The following SAR1B variants were observed in gnomAD, a reference collection of about 807,000 sequenced individuals.
SAR1B encodes the protein small COPII coat GTPase SAR1B.
SAR1B carries 23 observed loss-of-function variants against 26.8 expected under a neutral mutation model. That is an observed-to-expected ratio of 0.86 (90% CI 0.62 to 1.22). The LOEUF (loss-of-function observed/expected upper bound fraction) is 1.22, where lower values mean the gene tolerates loss of function less well. Ranked by LOEUF, SAR1B falls within the 50% of genes most tolerant of loss-of-function variation. The pLI, the probability that SAR1B is intolerant of heterozygous loss-of-function variation, is 0.00. For missense variants in SAR1B, 196 were observed against 232.8 expected, an observed-to-expected ratio of 0.84 and a Z score of 1.03; for synonymous variants, 65 against 80.8, an observed-to-expected ratio of 0.80 and a Z score of 1.05.
At chr5:134,612,866 A>ATAAATAG (rs1458321971) in intron 3 of SAR1B, 110 bp from the exon 4 acceptor site, 1 of 984,738 alleles carries the variant, frequency 1.0e-6, no homozygotes, top group East Asian at 2.5e-5. Context: ...CTAATTAAGA[A>ATAAATAG]TAAATAGTAA....
chr5:134,617,244 T>A (rs376514782), intron 3 of SAR1B, among the ~76,000 whole-genome samples: 29 of 151,116 alleles, frequency 1.9e-4, no homozygotes, highest in East Asian at 5.8e-4. Flanking sequence ...AAAAAAAAAA[T>A]AATAATAACT....
At chr5:134,612,626 C>CA in intron 4 of SAR1B, 65 bp downstream of exon 4, 1 of 1,244,022 alleles carries the variant, frequency 8.0e-7, no homozygotes, top group South Asian at 1.5e-5. Context: ...GCCTGGGAGA[C>CA]AGAGTGAGCC....
chr5:134,606,398 A>C lies in SAR1B; in HGVS notation c.*552T>G, dbSNP rs989616417. ...TCAGAGTATACTAGCTAGATAAGACACATTTAAATGAAACATTTGCCCAAC... is the reference window on the plus strand; with the variant it reads ...TCAGAGTATACTAGCTAGATAAGACCCATTTAAATGAAACATTTGCCCAAC... On this transcript the variant is annotated 3_prime_UTR_variant, in exon 7 of 7. Transcript: ENST00000402673. 1 of 165,938 alleles carries C rather than the reference A, an allele frequency of 6.0e-6. No homozygotes were observed. The highest frequency in any genetic ancestry group is 2.4e-5 in the African/African-American group (1 of 41,506). The allele number at this position is 165,938 out of a possible 1,614,324, so 10.3% of individuals were successfully genotyped here. A position where few individuals can be genotyped will look rare whatever the true frequency, so the allele number is the denominator to read the frequency against.
rs781218368 is a variant in SAR1B, at chr5:134,630,889, CTTTTTTTTTTTTTT to C, written c.-19+1825_-19+1838del. On this transcript the variant is annotated intron_variant, in intron 1 of 6. Transcript: ENST00000402673. ...TTTCCTTTTCTATTTCTTTTTTTTT[CTTTTTTTTTTTTTT>C]TTTTTTTTTTTTTTAGCAACAATGT... Among the ~76,000 whole-genome samples the C allele has an allele frequency of 8.2e-4, 57 of 69,146 alleles. 1 individual carries two copies. The highest frequency in any genetic ancestry group is 8.8e-4 in the Non-Finnish European group (31 of 35,236). 45.4% of individuals were successfully genotyped at this position (69,146 alleles called of 152,430 possible).
intron 3 of SAR1B, among the ~76,000 whole-genome samples, chr5:134,619,051 C>G (rs1765360979): frequency 6.6e-6 from 1 of 151,244 alleles, no homozygotes; most frequent in Non-Finnish European, 1.5e-5. Context: ...TATTTTTGGC[C>G]AAGTGTGGTG....
Position 134,602,900 on chromosome 5 carries a change from A to G in SAR1B, c.*4050T>C, listed in dbSNP as rs188315195. ...CTCAAAAAAAAAAGAAAAGAAAAGA[A>G]AAAACAAACATGCAGTTTTGATAAT... On this transcript the variant is annotated 3_prime_UTR_variant, in exon 7 of 7. Coordinates refer to ENST00000402673, the MANE Select transcript of SAR1B (RefSeq NM_016103.4). 2.6e-5 allele frequency: 4 copies of G among 152,212 alleles called. No homozygotes were observed. The highest frequency in any genetic ancestry group is 1.3e-4 in the Admixed American group (2 of 15,286). 9.4% of individuals were successfully genotyped at this position (152,212 alleles called of 1,614,324 possible).
At position 134,615,674 on chromosome 5, in the gene SAR1B, G is replaced by A. The variant is rs183488991; in HGVS notation, c.179-2918C>T. ...ACTAAAAAAATACAAAAAATTAGCT[G>A]GGCGTGGTGGCAGGCGCCTGTAGTC... On this transcript the variant is annotated intron_variant, in intron 3 of 6. Coordinates refer to ENST00000402673, the MANE Select transcript of SAR1B (RefSeq NM_016103.4). Among the ~76,000 whole-genome samples, 818 of 135,252 alleles carry A rather than the reference G, an allele frequency of 6.0e-3. 4 individuals carry two copies. In the Middle Eastern group the frequency reaches 0.062, roughly 10 times the overall value. 88.7% of individuals were successfully genotyped at this position (135,252 alleles called of 152,430 possible).
intron 1 of SAR1B, among the ~76,000 whole-genome samples, chr5:134,630,588 G>T (rs1686236920): frequency 6.6e-6 from 1 of 151,096 alleles, no homozygotes; most frequent in Non-Finnish European, 1.5e-5. Flanking sequence ...TTCAAGACCA[G>T]CCTGGCCAAC....
At chr5:134,617,956 CTTT>C (rs1190932028) in intron 3 of SAR1B, among the ~76,000 whole-genome samples, 1 of 152,056 alleles carries the variant, frequency 6.6e-6, no homozygotes, top group Non-Finnish European at 1.5e-5. Flanking sequence ...ATCATTTTTT[CTTT>C]AACAGAATTG....
intron 6 of SAR1B, among the ~76,000 whole-genome samples, chr5:134,607,949 A>G (rs1272510729): frequency 2.0e-5 from 3 of 152,154 alleles, no homozygotes; most frequent in Non-Finnish European, 2.9e-5. Context: ...TACCAAAACA[A>G]TCCGTCTTAA....
At chr5:134,608,342 C>T in intron 6 of SAR1B, 30 bp downstream of exon 6, 1 of 1,525,236 alleles carries the variant, frequency 6.6e-7, no homozygotes, top group South Asian at 1.2e-5. Flanking sequence ...GAATTAAACA[C>T]ACCCATCATA....
In SAR1B at chr5:134,620,967, G is replaced by A. The variant is rs773376135; in HGVS notation, c.144C>T (p.Asp48=). The part of the protein sequence containing the change: ...KTTLLHMLKD[D]RLGQHVPTLH... ...ATGTTGGGACATGTTGTCCAAGTCT[G>A]TCATCTTTTAGCATGTGTAGCAATG... is the stretch of plus-strand genomic sequence containing the variant. Residue 48 remains aspartate, a synonymous_variant, in exon 3 of 7, where the codon GAC becomes GAT. Coordinates refer to ENST00000402673, the MANE Select transcript of SAR1B (RefSeq NM_016103.4). 6.2e-7 allele frequency: 1 copy of A among 1,613,556 alleles called. No individual in the cohort carries two copies. The highest frequency in any genetic ancestry group is 1.1e-5 in the South Asian group (1 of 91,066).
At chr5:134,620,542 T>C (rs1284086822) in intron 3 of SAR1B, among the ~76,000 whole-genome samples, 5 of 152,116 alleles carry the variant, frequency 3.3e-5, no homozygotes, top group African/African-American at 1.2e-4. Context: ...CTGATCATAA[T>C]TTATCTACCA....
chr5:134,630,889 CTTTTTTTT>C (rs781218368), intron 1 of SAR1B, among the ~76,000 whole-genome samples: 2 of 69,122 alleles, frequency 2.9e-5, no homozygotes, highest in African/African-American at 5.9e-5. Context: ...CTTTTTTTTT[CTTTTTTTT>C]TTTTTTTTTT....
chr5:134,627,709 G>T (rs1204927097), intron 1 of SAR1B, among the ~76,000 whole-genome samples: 1 of 151,894 alleles, frequency 6.6e-6, no homozygotes, highest in Non-Finnish European at 1.5e-5. Flanking sequence ...TGAGGCAGGA[G>T]AATGGCGTGA....
intron 1 of SAR1B, among the ~76,000 whole-genome samples, chr5:134,628,749 G>T (rs1295838929): frequency 2.0e-5 from 3 of 151,968 alleles, no homozygotes; most frequent in African/African-American, 7.2e-5. Flanking sequence ...CCACCTCCTG[G>T]GTTCAAGCAA....
At chr5:134,620,757 G>C (rs1390371465) in intron 3 of SAR1B, among the ~76,000 whole-genome samples, 176 bp downstream of exon 3, 1 of 152,184 alleles carries the variant, frequency 6.6e-6, no homozygotes, top group Non-Finnish European at 1.5e-5. Flanking sequence ...CTACTTGGGA[G>C]ACGGGAGGAT....
chr5:134,623,706 C>G (rs1765450953), intron 2 of SAR1B, among the ~76,000 whole-genome samples: 2 of 151,976 alleles, frequency 1.3e-5, no homozygotes, highest in Admixed American at 1.3e-4. Flanking sequence ...TTCCCAACAC[C>G]TTAAGAGGTA....
intron 1 of SAR1B, among the ~76,000 whole-genome samples, chr5:134,627,445 A>T (rs2150056434): frequency 6.6e-6 from 1 of 150,990 alleles, no homozygotes; most frequent in South Asian, 2.1e-4. Flanking sequence ...CAATCCTCCC[A>T]CCTCAACCTC....
Sources: gnomAD v4.1 joint callset for allele counts (sites outside exome capture counted in the v4.1 genomes callset) on GRCh38, gnomAD v4.1.1 for gene constraint, MANE v1.5 for transcripts, NCBI Gene and HGNC (gene_info 2026-07-23, HGNC 2026-07-21) for gene names.